Variants in XRN2 observed in about 807,000 individuals in gnomAD.
XRN2 encodes 5'-3' exoribonuclease 2.
Under a neutral mutation model 138.5 loss-of-function variants are expected in XRN2, and 44 were observed. The observed-to-expected ratio is 0.32, with a 90% confidence interval of 0.25 to 0.41. XRN2 has a LOEUF of 0.41. XRN2 is among the 10% of genes least tolerant of loss of function. XRN2 has a pLI of 1.00. For synonymous variants in XRN2, 354 were observed against 369.4 expected, an observed-to-expected ratio of 0.96 and a Z score of 0.48; for missense variants, 937 against 1,169.3, an observed-to-expected ratio of 0.80 and a Z score of 2.90.
At chr20:21,354,430 G>T (rs1467004063) in intron 20 of XRN2, among the ~76,000 whole-genome samples, 1 of 152,204 alleles carries the variant, frequency 6.6e-6, no homozygotes, top group Non-Finnish European at 1.5e-5. Flanking sequence ...GCCCTAGGGA[G>T]AGTAACTGGC....
Position 21,326,170 on chromosome 20 carries a change from A to C in XRN2, c.76-109A>C, listed in dbSNP as rs2038126105. On this transcript the variant is annotated intron_variant, in intron 1 of 29. Transcript: ENST00000377191. Reference sequence around the variant, plus strand: ...TTATTATAATTTAAAGGTTACTTGAAGTGTTTTATTTCCAGTTCAGAAATG... The same window carrying C: ...TTATTATAATTTAAAGGTTACTTGACGTGTTTTATTTCCAGTTCAGAAATG... The C allele has an allele frequency of 5.6e-6, 6 of 1,066,836 alleles. 1 individual carries two copies. The South Asian group carries it at 1.1e-4, about 19-fold the overall frequency. The allele number at this position is 1,066,836 out of a possible 1,614,324, so 66.1% of individuals were successfully genotyped here. A position where few individuals can be genotyped will look rare whatever the true frequency, so the allele number is the denominator to read the frequency against.
intron 4 of XRN2, among the ~76,000 whole-genome samples, chr20:21,329,854 CTGGTG>C (rs3221138): frequency 1.8e-5 from 2 of 110,170 alleles, no homozygotes; most frequent in African/African-American, 7.1e-5. Flanking sequence ...TGGCCTCTAA[CTGGTG>C]TGTGTGTGTG....
At chr20:21,353,675 G>T (rs2038540620) in intron 20 of XRN2, among the ~76,000 whole-genome samples, 2 of 151,660 alleles carry the variant, frequency 1.3e-5, no homozygotes, top group Non-Finnish European at 2.9e-5. Context: ...TGTGCCTGTA[G>T]TCCCAGCTAC....
chr20:21,335,207 C>G (rs1370147671), intron 13 of XRN2, among the ~76,000 whole-genome samples: 1 of 152,138 alleles, frequency 6.6e-6, no homozygotes, highest in Non-Finnish European at 1.5e-5. Context: ...AGTGGAGGAG[C>G]AGCAGCCTGG....
chr20:21,380,225 T>C (rs2038868387), intron 27 of XRN2, among the ~76,000 whole-genome samples: 2 of 152,204 alleles, frequency 1.3e-5, no homozygotes, highest in South Asian at 4.1e-4. Context: ...TTGCAAATTT[T>C]GTATATATAA....
intron 16 of XRN2, 94 bp downstream of exon 16, chr20:21,344,302 G>T: frequency 1.2e-6 from 1 of 862,348 alleles, no homozygotes. Context: ...AGTGCCTTCA[G>T]ATGCTTGCCT....
intron 1 of XRN2, chr20:21,303,903 A>C (rs1029153713): frequency 2.1e-6 from 2 of 972,196 alleles, no homozygotes; most frequent in Non-Finnish European, 2.4e-6. Flanking sequence ...CTTTTTGACA[A>C]CCTTGTAAAG....
intron 21 of XRN2, 46 bp downstream of exon 21, chr20:21,354,918 CT>C (rs2038558037): frequency 6.9e-7 from 1 of 1,441,286 alleles, no homozygotes; most frequent in South Asian, 1.3e-5. Context: ...GTAATATACA[CT>C]TTATATTTCT....
In XRN2 at chr20:21,328,547, A is replaced by G; in HGVS notation, c.316-12A>G. ...TTTGATGAGTGTTATGGAATATGAA[A>G]TACATTTTCAGGCACCACGTGCTAA... On this transcript the variant is annotated splice_polypyrimidine_tract_variant and intron_variant, in intron 3 of 29. Coordinates refer to ENST00000377191, the MANE Select transcript of XRN2 (RefSeq NM_012255.5). The G allele has an allele frequency of 1.9e-6, 3 of 1,610,114 alleles. No homozygotes were observed. The highest frequency in any genetic ancestry group is 2.5e-6 in the Non-Finnish European group (3 of 1,177,586).
chr20:21,313,705 A>G (rs1188772955), intron 1 of XRN2, among the ~76,000 whole-genome samples: 1 of 152,222 alleles, frequency 6.6e-6, no homozygotes, highest in Non-Finnish European at 1.5e-5. Context: ...GTTGTAGTGT[A>G]CAGTGTGGTC....
intron 26 of XRN2, among the ~76,000 whole-genome samples, chr20:21,368,175 A>T (rs917204976): frequency 6.6e-6 from 1 of 152,220 alleles, no homozygotes; most frequent in African/African-American, 2.4e-5. Flanking sequence ...AAACTGAAAC[A>T]TAATGCAAAA....
intron 13 of XRN2, among the ~76,000 whole-genome samples, chr20:21,336,972 TC>T (rs1475243787): frequency 6.6e-6 from 1 of 152,096 alleles, no homozygotes; most frequent in African/African-American, 2.4e-5. Flanking sequence ...CTCAGGATGT[TC>T]ACAGAACACA....
At chr20:21,362,495 A>C (rs1344655328) in intron 24 of XRN2, among the ~76,000 whole-genome samples, 1 of 152,034 alleles carries the variant, frequency 6.6e-6, no homozygotes, top group African/African-American at 2.4e-5. Flanking sequence ...GTTCCCATCC[A>C]AGATGTGTGT....
chr20:21,339,228 C>T (rs2038339988), intron 14 of XRN2, 140 bp downstream of exon 14: 6 of 782,752 alleles, frequency 7.7e-6, no homozygotes, highest in African/African-American at 1.8e-5. Context: ...ACCTTTTTAC[C>T]TGTAGAAAGA....
chr20:21,374,808 T>G (rs1191708512), intron 27 of XRN2, among the ~76,000 whole-genome samples: 2 of 151,958 alleles, frequency 1.3e-5, no homozygotes, highest in Admixed American at 1.3e-4. Context: ...ATAAAACAAA[T>G]TAGAAAATAT....
intron 27 of XRN2, among the ~76,000 whole-genome samples, chr20:21,380,527 C>A (rs2038872151): frequency 6.6e-6 from 1 of 152,156 alleles, no homozygotes; most frequent in Non-Finnish European, 1.5e-5. Flanking sequence ...AGAACTTACT[C>A]TGGGCGTAGG....
chr20:21,381,399 T>C (rs1193066243), intron 27 of XRN2, among the ~76,000 whole-genome samples: 4 of 152,256 alleles, frequency 2.6e-5, no homozygotes, highest in African/African-American at 9.6e-5. Context: ...TAATTGTTTC[T>C]TCTAGTTAGA....
chr20:21,356,564 T>A (rs2038578154), intron 22 of XRN2, 22 bp from the exon 23 acceptor site: 1 of 1,607,986 alleles, frequency 6.2e-7, no homozygotes, highest in Non-Finnish European at 8.5e-7. Flanking sequence ...GCATATGAGA[T>A]CAGGAATGCA....
chr20:21,379,344 C>T (rs1360272154), intron 27 of XRN2, among the ~76,000 whole-genome samples: 1 of 152,128 alleles, frequency 6.6e-6, no homozygotes, highest in Non-Finnish European at 1.5e-5. Context: ...ACAGATCAGC[C>T]AGGAAATACT....
Sources: gnomAD v4.1 joint callset for allele counts (sites outside exome capture counted in the v4.1 genomes callset) on GRCh38, gnomAD v4.1.1 for gene constraint, MANE v1.5 for transcripts, NCBI Gene and HGNC (gene_info 2026-07-23, HGNC 2026-07-21) for gene names.